DHRSX: variants seen among roughly 807,000 people sequenced by gnomAD.
DHRSX encodes polyprenol dehydrogenase.
DHRSX carries 31 observed loss-of-function variants against 34.0 expected under a neutral mutation model. That is an observed-to-expected ratio of 0.91 (90% CI 0.69 to 1.23). The LOEUF (loss-of-function observed/expected upper bound fraction) is 1.23. Among genes scored for constraint, DHRSX ranks in the 50% most tolerant of loss-of-function variants. DHRSX has a pLI of 0.00. For missense variants in DHRSX, 414 were observed against 428.1 expected (o/e 0.97, Z 0.29); for synonymous variants, 201 against 183.8 (o/e 1.09, Z -0.76).
At chrX:2,489,395 T>C (rs1352806703) in intron 1 of DHRSX, 1 of 1,613,952 alleles carries the variant, frequency 6.2e-7, no homozygotes, top group South Asian at 1.1e-5. Context: ...GCTGAGCTCC[T>C]TGGAGTCGGT....
intron 5 of DHRSX, among the ~76,000 whole-genome samples, chrX:2,243,814 T>TGTTTTG (rs2016213512): frequency 5.9e-5 from 7 of 118,246 alleles, no homozygotes; most frequent in South Asian, 5.5e-4. Flanking sequence ...TTTTTTTTTT[T>TGTTTTG]TTTTTTTTGA....
chrX:2,464,715 C>CT, intron 1 of DHRSX, among the ~76,000 whole-genome samples: 1 of 150,092 alleles, frequency 6.7e-6, no homozygotes, highest in East Asian at 2.0e-4. Flanking sequence ...TGAAGACGTT[C>CT]CCTAGGCATG....
chrX:2,345,986 A>G (rs1293175624), intron 3 of DHRSX, among the ~76,000 whole-genome samples: 1 of 152,168 alleles, frequency 6.6e-6, no homozygotes, highest in Non-Finnish European at 1.5e-5. Flanking sequence ...ATCTTGACTC[A>G]GACACACAGT....
At chrX:2,292,786 C>T (rs931399293) in intron 3 of DHRSX, among the ~76,000 whole-genome samples, 34 of 151,880 alleles carry the variant, frequency 2.2e-4, no homozygotes, top group African/African-American at 6.5e-4. Flanking sequence ...TAAAAAAGGA[C>T]GCCATTTATG....
intron 5 of DHRSX, among the ~76,000 whole-genome samples, chrX:2,258,652 A>C (rs1413070276): frequency 6.6e-6 from 1 of 152,190 alleles, no homozygotes; most frequent in African/African-American, 2.4e-5. Flanking sequence ...TCTGCTGTTT[A>C]AGCCACTAGG....
At chrX:2,346,653 T>TTGTTGTTG (rs71309484) in intron 3 of DHRSX, among the ~76,000 whole-genome samples, 7 of 150,722 alleles carry the variant, frequency 4.6e-5, no homozygotes, top group Non-Finnish European at 8.9e-5. Flanking sequence ...TGGTTTTTTT[T>TTGTTGTTG]TTGTTGTTGT....
chrX:2,379,450 G>A (rs911251151), intron 3 of DHRSX, among the ~76,000 whole-genome samples: 29 of 152,170 alleles, frequency 1.9e-4, no homozygotes, highest in African/African-American at 7.0e-4. Flanking sequence ...ATCTGTGAAT[G>A]AGGATAGCCC....
chrX:2,263,850 T>G (rs893291990), intron 5 of DHRSX, among the ~76,000 whole-genome samples: 12 of 152,160 alleles, frequency 7.9e-5, no homozygotes, highest in Non-Finnish European at 1.5e-4. Flanking sequence ...CAAACTAAGA[T>G]GATTATTCCC....
In DHRSX at chrX:2,221,109, G is replaced by C; in HGVS notation, c.925C>G (p.Gln309Glu). Residue 309 changes from glutamine (Q) to glutamate (E), a missense_variant, in exon 7 of 7, where the codon CAG becomes GAG. Physicochemically the swap from Gln to Glu is conservative, Grantham distance 29 (BLOSUM62 2). Transcript: ENST00000334651. ...GACCACAGCTGCTGCTGCAGTTTCT[G>C]GTTGTAGGTGACGTGGAGGGACTTG... ...ETKSLHVTYN[Q>E]KLQQQLWSKS... is the part of the protein sequence containing the mutation. The C allele has an allele frequency of 6.2e-7, 1 of 1,613,936 alleles. No individual in the cohort carries two copies. The highest frequency in any genetic ancestry group is 8.5e-7 in the Non-Finnish European group (1 of 1,179,858).
At chrX:2,310,145 A>G (rs1243107222) in intron 3 of DHRSX, among the ~76,000 whole-genome samples, 2 of 151,984 alleles carry the variant, frequency 1.3e-5, no homozygotes, top group African/African-American at 4.8e-5. Flanking sequence ...TTCTTCCCGC[A>G]CTTGTGGGTA....
chrX:2,253,958 G>C (rs1338979011), intron 5 of DHRSX, among the ~76,000 whole-genome samples: 1 of 152,108 alleles, frequency 6.6e-6, no homozygotes, highest in African/African-American at 2.4e-5. Flanking sequence ...CTACTCGGGA[G>C]GTTGAGGCAG....
chrX:2,373,515 A>T (rs1482084260), intron 3 of DHRSX, among the ~76,000 whole-genome samples: 2 of 152,106 alleles, frequency 1.3e-5, no homozygotes, highest in African/African-American at 4.8e-5. Flanking sequence ...CCCAGCTCTA[A>T]TGCTTTCCAA....
intron 5 of DHRSX, among the ~76,000 whole-genome samples, chrX:2,262,355 G>A (rs1158125739): frequency 6.6e-6 from 1 of 152,154 alleles, no homozygotes; most frequent in Non-Finnish European, 1.5e-5. Context: ...ACACTGGCAC[G>A]CACATGACTC....
intron 3 of DHRSX, among the ~76,000 whole-genome samples, chrX:2,348,088 C>G (rs1461430520): frequency 6.6e-6 from 1 of 152,126 alleles, no homozygotes; most frequent in Non-Finnish European, 1.5e-5. Context: ...CCAATTGGGT[C>G]CCTGCCTTGG....
At chrX:2,303,892 G>GATAA (rs2042053324) in intron 3 of DHRSX, among the ~76,000 whole-genome samples, 1 of 132,962 alleles carries the variant, frequency 7.5e-6, no homozygotes, top group African/African-American at 2.9e-5. Flanking sequence ...TGGATGGATG[G>GATAA]ATGGATAAAT....
intron 3 of DHRSX, among the ~76,000 whole-genome samples, chrX:2,402,153 C>G (rs1375272847): frequency 6.6e-6 from 1 of 152,240 alleles, no homozygotes; most frequent in Admixed American, 6.5e-5. Flanking sequence ...CCACAGCAAT[C>G]TGTGCTCCTG....
chrX:2,473,429 G>A (rs904981207), intron 1 of DHRSX, among the ~76,000 whole-genome samples: 4 of 152,144 alleles, frequency 2.6e-5, no homozygotes, highest in Non-Finnish European at 4.4e-5. Flanking sequence ...TTCGAGACCA[G>A]CATGACCAAC....
At chrX:2,271,183 C>G (rs1044803596) in intron 4 of DHRSX, among the ~76,000 whole-genome samples, 1 of 152,222 alleles carries the variant, frequency 6.6e-6, no homozygotes, top group African/African-American at 2.4e-5. Context: ...GTCAGCGAGT[C>G]TGCGAACCCA....
intron 3 of DHRSX, among the ~76,000 whole-genome samples, chrX:2,400,922 G>A (rs2043477661): frequency 6.6e-6 from 1 of 152,108 alleles, no homozygotes; most frequent in Non-Finnish European, 1.5e-5. Context: ...AAGTAGAAGT[G>A]CCTCCCAAGG....
Sources: allele counts gnomAD v4.1 joint callset (sites outside exome capture counted in the v4.1 genomes callset), GRCh38; gene constraint gnomAD v4.1.1; transcripts MANE v1.5; gene names NCBI Gene and HGNC (gene_info 2026-07-23, HGNC 2026-07-21).